Variants in CNBD2 observed in about 807,000 individuals in gnomAD.
The protein encoded by CNBD2 is cyclic nucleotide binding domain containing 2, also known as cyclic nucleotide-binding domain-containing protein 2.
In CNBD2, 64 loss-of-function variants were observed where a neutral mutation model predicts 63.7. The ratio of observed to expected loss-of-function variants is 1.00; its 90% CI spans 0.82 to 1.24. The LOEUF (loss-of-function observed/expected upper bound fraction) is 1.24. CNBD2 is among the 50% of genes most tolerant of loss of function. The pLI, the probability that CNBD2 is intolerant of heterozygous loss-of-function variation, is 0.00. For synonymous variants in CNBD2, 229 were observed against 255.4 expected, an observed-to-expected ratio of 0.90 and a Z score of 0.99; for missense variants, 691 against 713.5, an observed-to-expected ratio of 0.97 and a Z score of 0.36.
intron 8 of CNBD2, among the ~76,000 whole-genome samples, chr20:36,004,742 T>TTGTAGAGATAGAGTCTCACTA: frequency 6.6e-6 from 1 of 152,156 alleles, no homozygotes; most frequent in African/African-American, 2.4e-5. Context: ...TTTTATCTTT[T>TTGTAGAGATAGAGTCTCACTA]TGTAGAGATA....
chr20:35,993,599 T>C (rs2056778345), intron 7 of CNBD2, among the ~76,000 whole-genome samples: 1 of 152,208 alleles, frequency 6.6e-6, no homozygotes, highest in South Asian at 2.1e-4. Context: ...GTAAATGAAT[T>C]CGTTGATGAA....
chr20:36,016,166 C>T (rs1568922406), intron 10 of CNBD2, among the ~76,000 whole-genome samples: 2 of 152,114 alleles, frequency 1.3e-5, no homozygotes, highest in African/African-American at 4.8e-5. Context: ...ACTGTGGCAT[C>T]CCACAAAATA....
chr20:36,003,237 A>G (rs1358959043), intron 8 of CNBD2, among the ~76,000 whole-genome samples: 1 of 152,120 alleles, frequency 6.6e-6, no homozygotes, highest in Non-Finnish European at 1.5e-5. Flanking sequence ...TACTAATTCC[A>G]TCATATGTGT....
intron 3 of CNBD2, 139 bp from the exon 4 acceptor site, chr20:35,980,320 C>G (rs2056578214): frequency 1.4e-6 from 1 of 712,496 alleles, no homozygotes; most frequent in Non-Finnish European, 2.4e-6. Flanking sequence ...CAGTGCCTGA[C>G]ACACAGTAAG....
downstream of CNBD2, chr20:35,959,543 A>G (rs1183669858): frequency 1.3e-5 from 2 of 152,200 alleles, no homozygotes; most frequent in African/African-American, 4.8e-5. Context: ...AAACCATCAG[A>G]TCTCGTGAGA....
chr20:35,983,732 C>T (rs891472360), intron 4 of CNBD2, among the ~76,000 whole-genome samples: 5 of 152,224 alleles, frequency 3.3e-5, no homozygotes, highest in African/African-American at 1.2e-4. Flanking sequence ...CCCAAGCACA[C>T]GCAGCAGTGA....
intron 4 of CNBD2, among the ~76,000 whole-genome samples, chr20:35,981,573 CA>C (rs1362296597): frequency 2.0e-4 from 30 of 152,122 alleles, no homozygotes; most frequent in African/African-American, 7.2e-4. Flanking sequence ...GTAGCTGGGA[CA>C]AGGGGTAGGC....
At chr20:36,010,263 C>G (rs528214193) in intron 9 of CNBD2, among the ~76,000 whole-genome samples, 1 of 152,018 alleles carries the variant, frequency 6.6e-6, no homozygotes, top group Non-Finnish European at 1.5e-5. Flanking sequence ...CCCTGCATTC[C>G]TACAAGGGCC....
intron 8 of CNBD2, among the ~76,000 whole-genome samples, chr20:36,000,296 T>A (rs2056878480): frequency 6.6e-6 from 1 of 152,238 alleles, no homozygotes; most frequent in Non-Finnish European, 1.5e-5. Flanking sequence ...AAAGTCTTTT[T>A]TGACTTGCAT....
At chr20:36,004,373 A>G (rs1002613100) in intron 8 of CNBD2, among the ~76,000 whole-genome samples, 10 of 152,078 alleles carry the variant, frequency 6.6e-5, no homozygotes, top group Non-Finnish European at 1.0e-4. Flanking sequence ...TGTGGACTCT[A>G]GCTGCCTTGC....
At chr20:35,984,845 C>T (rs1223269413) in intron 6 of CNBD2, 67 bp downstream of exon 6, 1 of 1,526,910 alleles carries the variant, frequency 6.5e-7, no homozygotes, top group East Asian at 2.3e-5. Flanking sequence ...CTTTGTCTGT[C>T]CTAGGCCTGG....
chr20:36,011,030 C>A, intron 9 of CNBD2, 107 bp from the exon 10 acceptor site: 1 of 1,200,734 alleles, frequency 8.3e-7, no homozygotes, highest in Non-Finnish European at 1.1e-6. Context: ...TGTGAATTCC[C>A]CAGGGAGGGG....
In CNBD2 at chr20:36,030,423, G is replaced by A. The variant is rs150249267; in HGVS notation, c.1506G>A (p.Leu502=). The A allele has an allele frequency of 3.7e-6, 6 of 1,614,036 alleles. No homozygotes were observed. In the African/African-American group the frequency reaches 6.7e-5, roughly 18 times the overall value. ...GGAATATCTTTCGGAAGGACCTGTT[G>A]CAGCTGCTCGTGGAGCCTTGCCAAA... is the stretch of plus-strand genomic sequence containing the variant. ...NSWNIFRKDL[L]QLLVEPCQSQ... Residue 502 remains leucine, a synonymous_variant, in exon 12 of 12, where the codon TTG becomes TTA. Coordinates refer to ENST00000373973, the MANE Select transcript of CNBD2 (RefSeq NM_001365709.1).
chr20:35,975,302 C>CTTT (rs1416435121), intron 2 of CNBD2, among the ~76,000 whole-genome samples: 2 of 84,158 alleles, frequency 2.4e-5, no homozygotes, highest in East Asian at 3.0e-4. Context: ...CGCCCGGCCT[C>CTTT]TTTTTTTTTA....
In CNBD2 at chr20:36,012,263, G is replaced by A. The variant is rs571271836; in HGVS notation, c.1269+1006G>A. Among the ~76,000 whole-genome samples the A allele has an allele frequency of 2.0e-5, 3 of 151,608 alleles. No homozygotes were observed. The East Asian group carries it at 5.9e-4, about 30-fold the overall frequency. On this transcript the variant is annotated intron_variant, in intron 10 of 11. Transcript: ENST00000373973. ...TGCAGTGAGCTGAGATAGTGACGTTGCACTAAAGCCTGGGGGACAAGAGTG... is the reference window on the plus strand; with the variant it reads ...TGCAGTGAGCTGAGATAGTGACGTTACACTAAAGCCTGGGGGACAAGAGTG...
At chr20:36,020,265 T>C (rs1283262592) in intron 10 of CNBD2, among the ~76,000 whole-genome samples, 1 of 152,068 alleles carries the variant, frequency 6.6e-6, no homozygotes, top group Non-Finnish European at 1.5e-5. Flanking sequence ...GTATTTTTAA[T>C]AGAGATGGGG....
intron 10 of CNBD2, among the ~76,000 whole-genome samples, chr20:36,016,123 C>T (rs1222142852): frequency 1.3e-5 from 2 of 152,124 alleles, no homozygotes; most frequent in South Asian, 2.1e-4. Flanking sequence ...AATCATGAGA[C>T]GTGATTAGAG....
rs111889182 is a variant in CNBD2 at position 36,000,725 on chromosome 20, A to AT, written c.970+5586dup. Among the ~76,000 whole-genome samples, 997 of 119,570 alleles carry AT rather than the reference A, an allele frequency of 8.3e-3. 15 individuals carry two copies. Among genetic ancestry groups the AT allele is most frequent in the African/African-American group, 0.025 (847 of 33,296 alleles). 78.4% of individuals were successfully genotyped at this position (119,570 alleles called of 152,430 possible). Reference sequence around the variant, plus strand: ...AGGCGTCCACCACCACGCCTGGCTAATTTTTTTTTTTTTCATTTGTGTATG... The same window carrying AT: ...AGGCGTCCACCACCACGCCTGGCTAATTTTTTTTTTTTTTCATTTGTGTATG... On this transcript the variant is annotated intron_variant, in intron 8 of 11. Transcript: ENST00000373973.
intron 10 of CNBD2, among the ~76,000 whole-genome samples, chr20:36,019,183 G>T (rs1389459125): frequency 1.3e-5 from 2 of 152,156 alleles, no homozygotes; most frequent in Admixed American, 6.5e-5. Context: ...GCTAAGGGAA[G>T]TCTGCTGTGA....
Sources: gnomAD v4.1 joint callset for allele counts (sites outside exome capture counted in the v4.1 genomes callset) on GRCh38, gnomAD v4.1.1 for gene constraint, MANE v1.5 for transcripts, NCBI Gene and HGNC (gene_info 2026-07-23, HGNC 2026-07-21) for gene names.